The following PTPRN2 variants were observed in gnomAD, a reference collection of about 807,000 sequenced individuals.
PTPRN2 encodes the protein protein tyrosine phosphatase receptor type N2.
In PTPRN2, 74 loss-of-function variants were observed where a neutral mutation model predicts 118.8. That is an observed-to-expected ratio of 0.62 (90% confidence interval 0.52 to 0.76). The LOEUF is 0.76. Among genes scored for constraint, PTPRN2 ranks in the 30% least tolerant of loss-of-function variants. The probability of loss-of-function intolerance (pLI) is 0.00; values close to 1 mark genes in which losing one functional copy is unlikely to be tolerated. For missense variants in PTPRN2, 1,481 were observed against 1,394.4 expected (o/e 1.06, Z -0.99); for synonymous variants, 641 against 608.0 (o/e 1.05, Z -0.80).
chr7:158,491,636 T>TGC (rs1821451987), intron 1 of PTPRN2, among the ~76,000 whole-genome samples: 2 of 152,052 alleles, frequency 1.3e-5, no homozygotes, highest in South Asian at 4.2e-4. Context: ...ACTACAGGCG[T>TGC]GCGCCAGCAT....
At chr7:157,934,262 G>A (rs572931144) in intron 11 of PTPRN2, among the ~76,000 whole-genome samples, 6 of 152,106 alleles carry the variant, frequency 3.9e-5, no homozygotes, top group Admixed American at 6.5e-5. Context: ...CCAGAATATC[G>A]GCCGCTCATT....
intron 3 of PTPRN2, among the ~76,000 whole-genome samples, chr7:158,285,096 G>C (rs181436446): frequency 4.6e-4 from 70 of 152,332 alleles, no homozygotes; most frequent in African/African-American, 1.7e-3. Context: ...CCCTGCATCT[G>C]TCTTGCTGTT....
At chr7:158,299,118 A>G (rs778008383) in intron 3 of PTPRN2, among the ~76,000 whole-genome samples, 1 of 152,096 alleles carries the variant, frequency 6.6e-6, no homozygotes, top group Non-Finnish European at 1.5e-5. Context: ...TATTAAATTC[A>G]AACTGGAGGG....
At chr7:157,626,966 T>C (rs1054319523) in intron 14 of PTPRN2, among the ~76,000 whole-genome samples, 1 of 152,242 alleles carries the variant, frequency 6.6e-6, no homozygotes, top group Non-Finnish European at 1.5e-5. Context: ...TGTCAGCTCA[T>C]TGAGTGTTCC....
chr7:158,129,508 ATAC>A (rs1418046580), intron 9 of PTPRN2, among the ~76,000 whole-genome samples: 1 of 148,430 alleles, frequency 6.7e-6, no homozygotes, highest in Non-Finnish European at 1.5e-5. Flanking sequence ...ACCATGCAAC[ATAC>A]TACACACCAC....
rs76423461 is a variant in PTPRN2 at position 157,845,300 on chromosome 7, C to G, written c.1788+53373G>C. On this transcript the variant is annotated intron_variant, in intron 12 of 22. Transcript: ENST00000389418. This position sits in a 1 kb window ranked among gnomAD's most constrained non-coding sequence, Gnocchi z 4.5. Reference sequence around the variant, plus strand: ...GCCTTTCTGTCCTCCCTGCACCACCCAGAGGACATACACAGAGTGATCCGC... The same window carrying G: ...GCCTTTCTGTCCTCCCTGCACCACCGAGAGGACATACACAGAGTGATCCGC... Among the ~76,000 whole-genome samples the G allele has an allele frequency of 0.052, 7,881 of 152,244 alleles. 312 individuals carry two copies. The highest frequency in any genetic ancestry group is 0.081 in the Non-Finnish European group (5,498 of 68,002).
At chr7:157,958,835 A>T (rs1270216550) in intron 11 of PTPRN2, among the ~76,000 whole-genome samples, 1 of 152,230 alleles carries the variant, frequency 6.6e-6, no homozygotes, top group African/African-American at 2.4e-5. Flanking sequence ...ACCCAAAGTG[A>T]TCTACAGATT....
intron 11 of PTPRN2, among the ~76,000 whole-genome samples, chr7:157,998,418 G>A (rs899560934): frequency 1.3e-5 from 2 of 152,194 alleles, no homozygotes; most frequent in Non-Finnish European, 2.9e-5. Flanking sequence ...GACCACCTGC[G>A]TGAGACGCGG....
At chr7:158,372,179 C>T in intron 2 of PTPRN2, among the ~76,000 whole-genome samples, 1 of 150,748 alleles carries the variant, frequency 6.6e-6, no homozygotes, top group Non-Finnish European at 1.5e-5. Flanking sequence ...GTGCTGGTCC[C>T]CAGAGCTGGA....
At chr7:157,798,272 A>C in intron 12 of PTPRN2, among the ~76,000 whole-genome samples, 1 of 152,218 alleles carries the variant, frequency 6.6e-6, no homozygotes, top group East Asian at 1.9e-4. Flanking sequence ...AAAATAAATA[A>C]AAATAAAAAT....
intron 2 of PTPRN2, among the ~76,000 whole-genome samples, chr7:158,431,402 A>G (rs1343071027): frequency 1.4e-5 from 2 of 147,850 alleles, no homozygotes; most frequent in Non-Finnish European, 1.5e-5. Flanking sequence ...CCTCGAGCAC[A>G]CAATGGCTCA....
chr7:157,817,745 C>T (rs1448293849), intron 12 of PTPRN2, among the ~76,000 whole-genome samples: 1 of 152,084 alleles, frequency 6.6e-6, no homozygotes, highest in Non-Finnish European at 1.5e-5. Flanking sequence ...TGTGCATGCA[C>T]GTGTGTGTCT....
intron 9 of PTPRN2, among the ~76,000 whole-genome samples, chr7:158,132,485 G>A (rs142000999): frequency 4.0e-5 from 6 of 149,438 alleles, no homozygotes; most frequent in South Asian, 4.3e-4. Context: ...ATACACACAC[G>A]CACGCACATG....
chr7:158,511,611 GGCCGCACAGCTTT>G (rs1223512897), intron 1 of PTPRN2, among the ~76,000 whole-genome samples: 1 of 152,190 alleles, frequency 6.6e-6, no homozygotes, highest in African/African-American at 2.4e-5. Context: ...AGGCAACCCT[GGCCGCACAGCTTT>G]GCCTCTCACA....
intron 2 of PTPRN2, among the ~76,000 whole-genome samples, chr7:158,332,974 G>A (rs60808182): frequency 8.2e-6 from 1 of 121,474 alleles, no homozygotes; most frequent in African/African-American, 3.5e-5. Context: ...ACCATAAGAG[G>A]TGACACCTGC....
intron 1 of PTPRN2, among the ~76,000 whole-genome samples, chr7:158,516,025 C>T (rs1335206028): frequency 6.6e-6 from 1 of 152,216 alleles, no homozygotes; most frequent in African/African-American, 2.4e-5. Flanking sequence ...ACCATGATAT[C>T]CACAGACACG....
chr7:158,264,060 G>C (rs989138659), intron 3 of PTPRN2, among the ~76,000 whole-genome samples: 1 of 152,184 alleles, frequency 6.6e-6, no homozygotes, highest in African/African-American at 2.4e-5. Context: ...CAGGACTTTG[G>C]AGCGGCAAAC....
intron 3 of PTPRN2, among the ~76,000 whole-genome samples, chr7:158,263,314 TAC>T (rs980248303): frequency 1.0e-3 from 154 of 152,194 alleles, no homozygotes; most frequent in African/African-American, 3.6e-3. Context: ...TGTGTGGGTG[TAC>T]ACACAGCTGT....
intron 3 of PTPRN2, among the ~76,000 whole-genome samples, chr7:158,239,515 C>G (rs1172845796): frequency 6.6e-6 from 1 of 152,192 alleles, no homozygotes; most frequent in Non-Finnish European, 1.5e-5. Context: ...TGTGCAGTCA[C>G]TTTCCTCCCC....
Sources: allele counts gnomAD v4.1 joint callset (sites outside exome capture counted in the v4.1 genomes callset), GRCh38; gene constraint gnomAD v4.1.1; non-coding constraint Gnocchi (gnomAD v3.1); transcripts MANE v1.5; gene names NCBI Gene and HGNC (gene_info 2026-07-23, HGNC 2026-07-21).